The following BMPR1B variants were observed in gnomAD, a reference collection of about 807,000 sequenced individuals.
BMPR1B encodes the protein bone morphogenetic protein receptor type 1B, also known as bone morphogenetic protein receptor type-1B.
A neutral mutation model predicts 59.1 loss-of-function variants in BMPR1B; 12 were observed. The observed-to-expected ratio is 0.20, with a 90% CI of 0.13 to 0.33. BMPR1B has a LOEUF of 0.33. Among genes scored for constraint, BMPR1B ranks in the 10% least tolerant of loss-of-function variants. The pLI is 1.00. For missense variants in BMPR1B, 550 were observed against 610.9 expected (o/e 0.90, Z 1.05); for synonymous variants, 237 against 207.3 (o/e 1.14, Z -1.23).
intron 2 of BMPR1B, among the ~76,000 whole-genome samples, chr4:94,936,589 GGATA>G (rs1174849212): frequency 6.6e-6 from 1 of 152,002 alleles, no homozygotes; most frequent in African/African-American, 2.4e-5. Flanking sequence ...GGAGATTATT[GGATA>G]GATAAAGAGT....
intron 2 of BMPR1B, among the ~76,000 whole-genome samples, chr4:94,906,973 G>T (rs907444018): frequency 3.3e-5 from 5 of 151,912 alleles, no homozygotes; most frequent in Non-Finnish European, 5.9e-5. Flanking sequence ...TCTCTGTAGG[G>T]ATTATTCTTC....
intron 2 of BMPR1B, among the ~76,000 whole-genome samples, chr4:94,879,349 T>A (rs2865408): frequency 0.048 from 7,248 of 152,260 alleles, 412 homozygotes; most frequent in African/African-American, 0.13. Flanking sequence ...GTGTTTACAT[T>A]TGATTCTTTG....
chr4:94,957,214 C>T (rs889218750), intron 2 of BMPR1B, among the ~76,000 whole-genome samples: 5 of 152,016 alleles, frequency 3.3e-5, no homozygotes, highest in South Asian at 4.1e-4. Flanking sequence ...CTGTGAAACT[C>T]GATGCCTCAC....
At chr4:95,140,462 C>G (rs747553075) in intron 10 of BMPR1B, among the ~76,000 whole-genome samples, 1 of 152,100 alleles carries the variant, frequency 6.6e-6, no homozygotes, top group Non-Finnish European at 1.5e-5. Context: ...TCCATGCTTG[C>G]TGTTGCCTTG....
chr4:94,856,716 G>C (rs889975368), intron 1 of BMPR1B, among the ~76,000 whole-genome samples: 25 of 152,156 alleles, frequency 1.6e-4, no homozygotes, highest in African/African-American at 5.8e-4. Flanking sequence ...AAACTGTTTT[G>C]TGGTAGATGC....
chr4:95,135,770 G>A (rs534522531), intron 10 of BMPR1B, among the ~76,000 whole-genome samples: 4 of 152,268 alleles, frequency 2.6e-5, no homozygotes, highest in East Asian at 1.9e-4. Context: ...GGGCTGAGAT[G>A]ATGGGGTTTT....
chr4:94,925,134 C>G (rs938368653), intron 2 of BMPR1B, among the ~76,000 whole-genome samples: 1 of 152,068 alleles, frequency 6.6e-6, no homozygotes, highest in Non-Finnish European at 1.5e-5. Context: ...TCTCCCTCTT[C>G]CTATTTAGAA....
chr4:95,039,076 T>C (rs17411701), intron 3 of BMPR1B, among the ~76,000 whole-genome samples: 42,275 of 151,092 alleles, frequency 0.28, 6,584 homozygotes, highest in South Asian at 0.43. Context: ...TAAAGGAATG[T>C]CTCTGTAACT....
chr4:95,120,669 C>T (rs111924385), intron 6 of BMPR1B, among the ~76,000 whole-genome samples: 2 of 62,210 alleles, frequency 3.2e-5, no homozygotes, highest in Non-Finnish European at 7.1e-5. Flanking sequence ...CTTCCTTCTT[C>T]TTTCTTTTCT....
intron 2 of BMPR1B, among the ~76,000 whole-genome samples, chr4:94,954,929 A>T (rs896370728): frequency 1.3e-5 from 2 of 152,178 alleles, no homozygotes; most frequent in Non-Finnish European, 2.9e-5. Context: ...ATTATTATAT[A>T]AGACTTACCC....
intron 6 of BMPR1B, among the ~76,000 whole-genome samples, chr4:95,120,610 T>TTTCTTTCC (rs1553940472): frequency 8.2e-6 from 1 of 122,586 alleles, no homozygotes; most frequent in Non-Finnish European, 1.8e-5. Context: ...ATAGCCTGCC[T>TTTCTTTCC]TTCCTTCCTT....
chr4:94,807,007 A>C (rs779026309), intron 1 of BMPR1B, among the ~76,000 whole-genome samples: 6 of 152,170 alleles, frequency 3.9e-5, no homozygotes, highest in Admixed American at 2.6e-4. Flanking sequence ...CATTAAAATA[A>C]TTATATTTTA....
chr4:94,797,368 ATTTC>A (rs942163334), intron 1 of BMPR1B, among the ~76,000 whole-genome samples: 59 of 152,302 alleles, frequency 3.9e-4, no homozygotes, highest in African/African-American at 1.3e-3. Flanking sequence ...TCAAATAATT[ATTTC>A]TTTATTTCCA....
rs141082792 is a variant in BMPR1B at position 95,123,468 on chromosome 4, C to T, written c.350-342C>T. The stretch of plus-strand genomic sequence containing the variant: ...GAAGAGCCTATGAACCCATGAGCTG[C>T]GTCTGTAATAAAGATGAACTACCTG... On this transcript the variant is annotated intron_variant, in intron 6 of 12. Transcript: ENST00000515059. 2.3e-4 allele frequency among the ~76,000 whole-genome samples: 35 copies of T among 152,120 alleles called. 1 individual carries two copies. The highest frequency in any genetic ancestry group is 1.2e-4 in the Non-Finnish European group (8 of 67,994).
At chr4:95,076,552 TA>T (rs1332820092) in intron 3 of BMPR1B, among the ~76,000 whole-genome samples, 2 of 152,084 alleles carry the variant, frequency 1.3e-5, no homozygotes, top group Non-Finnish European at 2.9e-5. Flanking sequence ...GCATTTTACA[TA>T]TATAAGTATT....
At chr4:95,119,800 C>G (rs1732339932) in intron 6 of BMPR1B, among the ~76,000 whole-genome samples, 1 of 152,130 alleles carries the variant, frequency 6.6e-6, no homozygotes, top group Non-Finnish European at 1.5e-5. Flanking sequence ...ATGAGTAAAT[C>G]ATAACACTGA....
intron 3 of BMPR1B, among the ~76,000 whole-genome samples, chr4:95,069,281 A>G (rs567442501): frequency 2.0e-5 from 3 of 152,266 alleles, no homozygotes; most frequent in Admixed American, 2.0e-4. Context: ...TCTATAGTCT[A>G]TTCTTAGCAT....
intron 1 of BMPR1B, among the ~76,000 whole-genome samples, chr4:94,765,853 T>C (rs1721949829): frequency 6.6e-6 from 1 of 152,210 alleles, no homozygotes; most frequent in East Asian, 1.9e-4. Context: ...AGGGATCTTA[T>C]GGATGGCAGC....
chr4:94,970,346 C>T (rs1334163627), intron 2 of BMPR1B, among the ~76,000 whole-genome samples: 1 of 144,478 alleles, frequency 6.9e-6, no homozygotes, highest in Non-Finnish European at 1.5e-5. Context: ...CGGAGTTTCA[C>T]TCTCTGTCAC....
Sources: allele counts gnomAD v4.1 joint callset (sites outside exome capture counted in the v4.1 genomes callset), GRCh38; gene constraint gnomAD v4.1.1; transcripts MANE v1.5; gene names NCBI Gene and HGNC (gene_info 2026-07-23, HGNC 2026-07-21).